Variants in LRP1 observed in about 807,000 individuals in gnomAD.
The protein encoded by LRP1 is prolow-density lipoprotein receptor-related protein 1.
Under a neutral mutation model 541.5 loss-of-function variants are expected in LRP1, and 51 were observed. The ratio of observed to expected loss-of-function variants is 0.09; its 90% CI spans 0.08 to 0.12. The LOEUF is 0.12. Ranked by LOEUF, LRP1 falls within the 10% of genes least tolerant of loss-of-function variation. The probability of loss-of-function intolerance (pLI) is 1.00; values close to 1 mark genes in which losing one functional copy is unlikely to be tolerated. For missense variants in LRP1, 3,878 were observed against 6,376.2 expected, an observed-to-expected ratio of 0.61 and a Z score of 13.34; for synonymous variants, 2,219 against 2,470.8, an observed-to-expected ratio of 0.90 and a Z score of 3.02.
intron 12 of LRP1, 88 bp downstream of exon 12, chr12:57,160,093 G>A: frequency 7.4e-7 from 1 of 1,358,914 alleles, no homozygotes; most frequent in Non-Finnish European, 1.0e-6. Flanking sequence ...GGAAGCAGGG[G>A]AAGGCAGGTG....
rs1258057034 is a variant in LRP1, at chr12:57,172,263, C to T, written c.3164-905C>T. Among the ~76,000 whole-genome samples the T allele has an allele frequency of 2.0e-5, 3 of 152,006 alleles. No individual in the cohort carries two copies. In the East Asian group the frequency reaches 5.8e-4, roughly 29 times the overall value. On this transcript the variant is annotated intron_variant, in intron 20 of 88. Transcript: ENST00000243077. ...TCAGCTCACTGCAAGCTCCGCCTCC[C>T]AGTTCACGCCATTCTCCTGCCTCAG...
At position 57,200,496 on chromosome 12, in the gene LRP1, G is replaced by A. The variant is rs1180538798; in HGVS notation, c.10069G>A (p.Asp3357Asn). The A allele has an allele frequency of 6.2e-7, 1 of 1,613,832 alleles. No individual in the cohort carries two copies. Among genetic ancestry groups the A allele is most frequent in the African/African-American group, 1.3e-5 (1 of 74,978 alleles). ...IPFWWKCDTE[D>N]DCGDHSDEPP... is the part of the protein sequence containing the mutation. Reference sequence around the variant, plus strand: ...CTTCTGGTGGAAGTGTGACACCGAGGACGACTGCGGGGACCACTCAGACGA... The same window carrying A: ...CTTCTGGTGGAAGTGTGACACCGAGAACGACTGCGGGGACCACTCAGACGA... Residue 3357 changes from aspartate to asparagine, a missense_variant, in exon 63 of 89, where the codon GAC (aspartate) becomes AAC (asparagine). Around this residue, in one of 13 missense-constraint regions of LRP1, gnomAD observed 278 missense variants for 536.3 expected, o/e 0.52. Coordinates refer to ENST00000243077, the MANE Select transcript of LRP1 (RefSeq NM_002332.3).
chr12:57,158,705 G>C lies in LRP1; in HGVS notation c.1798+67G>C. The C allele has an allele frequency of 6.9e-7, 1 of 1,442,796 alleles. No individual in the cohort carries two copies. Among genetic ancestry groups the C allele is most frequent in the Non-Finnish European group, 9.7e-7 (1 of 1,032,690 alleles). 89.4% of individuals were successfully genotyped at this position (1,442,796 alleles called of 1,614,324 possible). A position where few individuals can be genotyped will look rare whatever the true frequency, so the allele number is the denominator to read the frequency against. ...GCTGGGGCCCAGGCATCTGTTTCTC[G>C]GTGCCCTCTCAGCAGGATGGTCCCC... On this transcript the variant is annotated intron_variant, in intron 11 of 88. Coordinates refer to ENST00000243077, the MANE Select transcript of LRP1 (RefSeq NM_002332.3). This position sits in a 1 kb window ranked among gnomAD's most constrained non-coding sequence, Gnocchi z 5.3.
chr12:57,131,276 T>A (rs1319541464), intron 1 of LRP1, among the ~76,000 whole-genome samples: 2 of 152,184 alleles, frequency 1.3e-5, no homozygotes, highest in Non-Finnish European at 2.9e-5. Context: ...TGGGGTCCCC[T>A]GCCCTTTGGG....
chr12:57,193,118 C>T (rs2036452110), intron 45 of LRP1, 58 bp from the exon 46 acceptor site: 22 of 1,599,922 alleles, frequency 1.4e-5, no homozygotes, highest in Admixed American at 1.2e-4. Flanking sequence ...GGGGAGGAGG[C>T]GTGGGCACTG....
chr12:57,183,890 T>C lies in LRP1; in HGVS notation c.5910T>C (p.Ile1970=). ...VTNGIGRVEG[I]AVDWIAGNIY... ...ATGGCATTGGCCGTGTGGAGGGCATTGCAGTGGACTGGATCGCAGGTGAGC... is the reference window on the plus strand; with the variant it reads ...ATGGCATTGGCCGTGTGGAGGGCATCGCAGTGGACTGGATCGCAGGTGAGC... Residue 1970 remains isoleucine (I), a synonymous_variant, in exon 36 of 89, where the codon ATT becomes ATC. Transcript: ENST00000243077. This position sits in a 1 kb window ranked among gnomAD's most constrained non-coding sequence, Gnocchi z 6.1. The C allele has an allele frequency of 6.2e-7, 1 of 1,614,116 alleles. No individual in the cohort carries two copies. The highest frequency in any genetic ancestry group is 1.6e-4 in the Middle Eastern group (1 of 6,062).
chr12:57,175,818 G>C, intron 23 of LRP1, 91 bp from the exon 24 acceptor site: 1 of 1,570,976 alleles, frequency 6.4e-7, no homozygotes, highest in Non-Finnish European at 8.6e-7. Flanking sequence ...AGCCCCCAGT[G>C]CCCGGACCAG....
chr12:57,194,065 C>T, intron 48 of LRP1, 53 bp downstream of exon 48: 2 of 1,487,714 alleles, frequency 1.3e-6, no homozygotes. Context: ...TCGCTCACTG[C>T]ATCTCCCGCC....
chr12:57,177,100 G>A lies in LRP1; in HGVS notation c.4051G>A (p.Val1351Ile). The change falls in exon 25 of 89, where the codon GTA (valine) becomes ATA (isoleucine). Residue 1351 changes from valine (V) to isoleucine (I), a missense_variant. Around this residue, in one of 13 missense-constraint regions of LRP1, gnomAD observed 24 missense variants for 109.1 expected, o/e 0.22. Coordinates refer to ENST00000243077, the MANE Select transcript of LRP1 (RefSeq NM_002332.3). The surrounding 1 kb of genome is among the most constrained non-coding windows in gnomAD (Gnocchi z 6.8). ...YGLATPEGLA[V>I]DWIAGNIYWV... ...CCTGGCCACACCCGAGGGCCTGGCT[G>A]TAGACTGGATTGCAGGCAACATCTA... is the stretch of plus-strand genomic sequence containing the variant. 6.2e-7 allele frequency: 1 copy of A among 1,614,244 alleles called. No individual in the cohort carries two copies. The highest frequency in any genetic ancestry group is 8.5e-7 in the Non-Finnish European group (1 of 1,180,042).
rs986864468 is a variant in LRP1 at position 57,210,767 on chromosome 12, C to G, written c.12804C>G (p.Thr4268=). Residue 4268 remains threonine (T), a synonymous_variant, in exon 83 of 89, where the codon ACC becomes ACG. Coordinates refer to ENST00000243077, the MANE Select transcript of LRP1 (RefSeq NM_002332.3). ...CGGGCTTCACGGGCCCCAAATGCACCCAGCAGGTGTGTGCGGGCTACTGTG... is the reference window on the plus strand; with the variant it reads ...CGGGCTTCACGGGCCCCAAATGCACGCAGCAGGTGTGTGCGGGCTACTGTG... ...CPTGFTGPKC[T]QQVCAGYCAN... 3.7e-6 allele frequency: 6 copies of G among 1,612,394 alleles called. No homozygotes were observed. Among genetic ancestry groups the G allele is most frequent in the Non-Finnish European group, 5.1e-6 (6 of 1,178,902 alleles).
intron 76 of LRP1, among the ~76,000 whole-genome samples, chr12:57,207,449 G>A (rs1013156932): frequency 6.6e-6 from 1 of 151,738 alleles, no homozygotes; most frequent in Non-Finnish European, 1.5e-5. Context: ...GCAGTGAGCC[G>A]AGTGCCACTC....
In LRP1 at chr12:57,166,092, A is replaced by G; in HGVS notation, c.2680A>G (p.Thr894Ala). The stretch of plus-strand genomic sequence containing the variant: ...ACTCATTCCCTCCCCAGATCAGCAC[A>G]CCTGCCCCTCGGACCGATTCAAGTG... The part of the protein sequence containing the change: ...DEAPALCHQH[T>A]CPSDRFKCEN... Residue 894 changes from threonine (T) to alanine (A), a missense_variant, in exon 17 of 89, where the codon ACC becomes GCC. Physicochemically the swap from Thr to Ala is moderately conservative, Grantham distance 58. Around this residue, in one of 13 missense-constraint regions of LRP1, gnomAD observed 496 missense variants for 861.0 expected, o/e 0.58. Transcript: ENST00000243077. The G allele has an allele frequency of 6.2e-7, 1 of 1,614,088 alleles. No homozygotes were observed. The highest frequency in any genetic ancestry group is 8.5e-7 in the Non-Finnish European group (1 of 1,180,024).
At chr12:57,200,399 C>T in intron 62 of LRP1, 43 bp from the exon 63 acceptor site, 1 of 1,141,790 alleles carries the variant, frequency 8.8e-7, no homozygotes, top group Non-Finnish European at 1.3e-6. Flanking sequence ...TTCTGAGTCC[C>T]CCAGACCCCC....
Position 57,173,724 on chromosome 12 carries a change from G to T in LRP1, c.3347-56G>T. On this transcript the variant is annotated intron_variant, in intron 21 of 88. Transcript: ENST00000243077. The surrounding 1 kb of genome is among the most constrained non-coding windows in gnomAD (Gnocchi z 4.7). ...GAAGCCCACAGGGTCTGGAAGGAAGGGCAGGGGGAGCCCCAGTCCCCGGGC... is the reference window on the plus strand; with the variant it reads ...GAAGCCCACAGGGTCTGGAAGGAAGTGCAGGGGGAGCCCCAGTCCCCGGGC... The T allele has an allele frequency of 6.3e-7, 1 of 1,577,138 alleles. No homozygotes were observed. Among genetic ancestry groups the T allele is most frequent in the South Asian group, 1.1e-5 (1 of 90,170 alleles).
chr12:57,205,193 G>A lies in LRP1; in HGVS notation c.11279G>A (p.Arg3760His), dbSNP rs569866427. The A allele has an allele frequency of 1.5e-5, 25 of 1,613,894 alleles. No homozygotes were observed. The highest frequency in any genetic ancestry group is 4.5e-5 in the East Asian group (2 of 44,886). ...CAGCGCTGCCTCTCCTCCTCCCTGCGCTGCAACATGTTCGATGACTGCGGG... is the reference window on the plus strand; with the variant it reads ...CAGCGCTGCCTCTCCTCCTCCCTGCACTGCAACATGTTCGATGACTGCGGG... Reference protein sequence around the residue: ...RNQRCLSSSLRCNMFDDCGDG... With the variant: ...RNQRCLSSSLHCNMFDDCGDG... The change falls in exon 73 of 89, where the codon CGC becomes CAC. Residue 3760 changes from arginine (R) to histidine (H), a missense_variant. Arg to His is a conservative substitution (Grantham distance 29, BLOSUM62 0). Around this residue, in one of 13 missense-constraint regions of LRP1, gnomAD observed 871 missense variants for 1,212.4 expected, o/e 0.72. Coordinates refer to ENST00000243077, the MANE Select transcript of LRP1 (RefSeq NM_002332.3). This position sits in a 1 kb window ranked among gnomAD's most constrained non-coding sequence, Gnocchi z 4.6.
rs35031168 is a variant in LRP1 at position 57,145,411 on chromosome 12, G to A, written c.762G>A (p.Thr254=). The change falls in exon 6 of 89, where the codon ACG becomes ACA. Residue 254 remains threonine, a synonymous_variant. Transcript: ENST00000243077. ...WVHVGDSAAQ[T]QLKCARMPGL... is the part of the protein sequence containing the mutation. The stretch of plus-strand genomic sequence containing the variant: ...ATGTTGGGGACAGTGCTGCTCAGAC[G>A]CAGCTCAAGTGTGCCCGCATGCCTG... 741 of 1,614,148 alleles carry A rather than the reference G, an allele frequency of 4.6e-4. 2 individuals are homozygous for A. In the Middle Eastern group the frequency reaches 5.8e-3, roughly 13 times the overall value.
chr12:57,200,989 CT>C (rs769846145), intron 64 of LRP1, 44 bp from the exon 65 acceptor site: 8 of 1,613,482 alleles, frequency 5.0e-6, no homozygotes, highest in Non-Finnish European at 6.8e-6. Context: ...CTCCCTGCCC[CT>C]GAGTCCTCCC....
chr12:57,180,959 C>T (rs910626778), intron 33 of LRP1, 152 bp downstream of exon 33: 1 of 1,255,958 alleles, frequency 8.0e-7, no homozygotes, highest in African/African-American at 1.5e-5. Context: ...CACAAAGGCG[C>T]CTTGTAGGCT....
At chr12:57,186,141 C>T (rs750511391) in intron 41 of LRP1, among the ~76,000 whole-genome samples, 3 of 152,198 alleles carry the variant, frequency 2.0e-5, no homozygotes, top group Admixed American at 6.5e-5. Flanking sequence ...ACAGAACAAG[C>T]GAGAGGTCTC....
Sources: gnomAD v4.1 joint callset for allele counts (sites outside exome capture counted in the v4.1 genomes callset) on GRCh38, gnomAD v4.1.1 for gene constraint, gnomAD v4.1.1 regional missense constraint, Gnocchi (gnomAD v3.1) non-coding constraint, MANE v1.5 for transcripts, NCBI Gene and HGNC (gene_info 2026-07-23, HGNC 2026-07-21) for gene names.